The following BANP variants were observed in gnomAD, a reference collection of about 807,000 sequenced individuals.
BANP encodes the protein protein BANP.
In BANP, 11 loss-of-function variants were observed where a neutral mutation model predicts 68.1. That is an observed-to-expected ratio of 0.16 (90% CI 0.10 to 0.27). The LOEUF (loss-of-function observed/expected upper bound fraction) is 0.27. BANP is among the 10% of genes least tolerant of loss of function. The pLI, the probability that BANP is intolerant of heterozygous loss-of-function variation, is 1.00. For missense variants in BANP, 504 were observed against 722.7 expected, an observed-to-expected ratio of 0.70 and a Z score of 3.47; for synonymous variants, 329 against 303.2, an observed-to-expected ratio of 1.09 and a Z score of -0.88.
intron 1 of BANP, among the ~76,000 whole-genome samples, chr16:87,969,854 T>C (rs1650465195): frequency 6.6e-6 from 1 of 152,028 alleles, no homozygotes; most frequent in South Asian, 2.1e-4. Context: ...ATAACTTGTT[T>C]TTCTGTGAAT....
At chr16:88,053,454 CAT>C (rs1177112288) in intron 11 of BANP, among the ~76,000 whole-genome samples, 4 of 95,334 alleles carry the variant, frequency 4.2e-5, no homozygotes, top group African/African-American at 2.2e-4. Flanking sequence ...TCATCTCCAT[CAT>C]CATCATCACC....
intron 13 of BANP, 104 bp from the exon 14 acceptor site, chr16:88,076,486 C>T (rs566615869): frequency 1.5e-5 from 15 of 977,102 alleles, no homozygotes; most frequent in Non-Finnish European, 1.8e-5. Context: ...CTCCTGTGTG[C>T]GTGTTTCTCA....
chr16:88,041,127 C>T (rs2152780205), intron 11 of BANP, among the ~76,000 whole-genome samples: 1 of 152,368 alleles, frequency 6.6e-6, no homozygotes, highest in South Asian at 2.1e-4. Context: ...TTGCCGTTCT[C>T]CTCCTATTCC....
At chr16:88,056,318 T>C (rs1440891272) in intron 11 of BANP, among the ~76,000 whole-genome samples, 1 of 152,152 alleles carries the variant, frequency 6.6e-6, no homozygotes, top group Non-Finnish European at 1.5e-5. Context: ...GTAAAATAGG[T>C]GTACTAATTT....
rs188764554 is a variant in BANP, at chr16:88,049,879, C to G, written c.1311+11868C>G. ...GTGTGCCAGAAGGAAAACATGTTTC[C>G]TCCTCCCTCTGATTTCTTTACAGAC... On this transcript the variant is annotated intron_variant, in intron 11 of 13. Coordinates refer to ENST00000682872, the MANE Select transcript of BANP (RefSeq NM_001386991.1). 5.7e-3 allele frequency among the ~76,000 whole-genome samples: 862 copies of G among 152,260 alleles called. 25 individuals are homozygous for G. Among genetic ancestry groups the G allele is most frequent in the Admixed American group, 0.051 (778 of 15,280 alleles).
At chr16:87,950,320 A>T (rs1567550970), upstream of BANP, 1 of 152,260 alleles carries the variant, frequency 6.6e-6, no homozygotes, top group Non-Finnish European at 1.5e-5. Flanking sequence ...AGATTAGCAG[A>T]GGGAGATAAC....
intron 11 of BANP, among the ~76,000 whole-genome samples, chr16:88,052,608 C>G (rs1453609259): frequency 6.6e-6 from 1 of 151,940 alleles, no homozygotes; most frequent in East Asian, 1.9e-4. Flanking sequence ...CCACCTCCGC[C>G]ACTGTCATCT....
At chr16:88,038,364 A>C (rs1412706624) in intron 11 of BANP, among the ~76,000 whole-genome samples, 4 of 152,068 alleles carry the variant, frequency 2.6e-5, no homozygotes, top group Non-Finnish European at 5.9e-5. Context: ...CCTCACCATG[A>C]CAATGCACAG....
intron 9 of BANP, 85 bp downstream of exon 9, chr16:88,033,330 G>T (rs2078614908): frequency 3.7e-6 from 5 of 1,352,888 alleles, no homozygotes; most frequent in Non-Finnish European, 4.9e-6. Context: ...CACCGGTTCC[G>T]CTGTGTTTTG....
intron 4 of BANP, among the ~76,000 whole-genome samples, chr16:87,998,177 T>C (rs1011348757): frequency 6.6e-6 from 1 of 152,142 alleles, no homozygotes; most frequent in African/African-American, 2.4e-5. Flanking sequence ...TCTAGGGACT[T>C]TGGGAGACAT....
In BANP at chr16:88,057,209, C is replaced by A. The variant is rs545184389; in HGVS notation, c.1312-8058C>A. Among the ~76,000 whole-genome samples the A allele has an allele frequency of 5.9e-5, 9 of 152,092 alleles. No homozygotes were observed. Among genetic ancestry groups the A allele is most frequent in the Admixed American group, 5.9e-4 (9 of 15,282 alleles). On this transcript the variant is annotated intron_variant, in intron 11 of 13. Transcript: ENST00000682872. The surrounding 1 kb of genome is among the most constrained non-coding windows in gnomAD (Gnocchi z 4.6). ...GGGGAGCGACTTCACACAGCTGGCACGGGATGCTTCGAAGTGGGGTACGGG... is the reference window on the plus strand; with the variant it reads ...GGGGAGCGACTTCACACAGCTGGCAAGGGATGCTTCGAAGTGGGGTACGGG...
chr16:88,048,085 A>G (rs969225778), intron 11 of BANP, among the ~76,000 whole-genome samples: 1 of 152,208 alleles, frequency 6.6e-6, no homozygotes, highest in Non-Finnish European at 1.5e-5. Flanking sequence ...TGGCTTCCGC[A>G]GCTGGCCGTG....
Position 87,989,846 on chromosome 16 carries a change from C to T in BANP, c.362+5587C>T, listed in dbSNP as rs1476869067. On this transcript the variant is annotated intron_variant, in intron 4 of 13. Transcript: ENST00000682872. ...GGGCGGGTGATGGGGGATGCAGGCCCGCGTGGCTGCGTGCATCCAGGACAC... is the reference window on the plus strand; with the variant it reads ...GGGCGGGTGATGGGGGATGCAGGCCTGCGTGGCTGCGTGCATCCAGGACAC... Among the ~76,000 whole-genome samples the T allele has an allele frequency of 2.5e-4, 28 of 112,282 alleles. 1 individual carries two copies. Among genetic ancestry groups the T allele is most frequent in the Middle Eastern group, 5.7e-3 (1 of 174 alleles). 73.7% of individuals were successfully genotyped at this position (112,282 alleles called of 152,430 possible). A position where few individuals can be genotyped will look rare whatever the true frequency, so the allele number is the denominator to read the frequency against.
intron 12 of BANP, among the ~76,000 whole-genome samples, chr16:88,066,002 A>G (rs1599063150): frequency 6.6e-6 from 1 of 152,056 alleles, no homozygotes; most frequent in Middle Eastern, 3.2e-3. Flanking sequence ...GAGGGTGTGC[A>G]CCTGCGCCTG....
intron 11 of BANP, among the ~76,000 whole-genome samples, chr16:88,050,031 G>C (rs1456681175): frequency 6.6e-6 from 1 of 152,190 alleles, no homozygotes. Context: ...GGCGTGGCCG[G>C]CTGGTGAGCT....
Position 88,057,857 on chromosome 16 carries a change from G to A in BANP, c.1312-7410G>A, listed in dbSNP as rs1892586503. ...GATGCCCACAGTGAGGAGGTGCGGG[G>A]CACGCAGCGAGCACTTTCCGGACAG... is the stretch of plus-strand genomic sequence containing the variant. On this transcript the variant is annotated intron_variant, in intron 11 of 13. Coordinates refer to ENST00000682872, the MANE Select transcript of BANP (RefSeq NM_001386991.1). The surrounding 1 kb of genome is among the most constrained non-coding windows in gnomAD (Gnocchi z 4.6). Among the ~76,000 whole-genome samples the A allele has an allele frequency of 6.6e-6, 1 of 152,050 alleles. No homozygotes were observed. Among genetic ancestry groups the A allele is most frequent in the Non-Finnish European group, 1.5e-5 (1 of 68,022 alleles).
chr16:87,968,852 G>A lies in BANP; in HGVS notation c.-68-6196G>A, dbSNP rs147991845. On this transcript the variant is annotated intron_variant, in intron 1 of 13. Coordinates refer to ENST00000682872, the MANE Select transcript of BANP (RefSeq NM_001386991.1). ...CTTAGATCTGCATATTTTCCTGTCC[G>A]ATCATTTTTTAAAAGTATACTTCTT... Among the ~76,000 whole-genome samples the A allele has an allele frequency of 6.9e-3, 1,047 of 152,236 alleles. 8 individuals carry two copies. The highest frequency in any genetic ancestry group is 0.029 in the South Asian group (142 of 4,814).
chr16:87,993,007 GT>G (rs776394575), intron 4 of BANP, among the ~76,000 whole-genome samples: 28 of 152,262 alleles, frequency 1.8e-4, no homozygotes, highest in Admixed American at 8.5e-4. Context: ...ACACTTCCTT[GT>G]TTTTGGCGAC....
intron 1 of BANP, among the ~76,000 whole-genome samples, chr16:87,954,506 A>G (rs1026476885): frequency 5.0e-4 from 76 of 152,360 alleles, no homozygotes; most frequent in African/African-American, 1.8e-3. Context: ...CTTTTGAAAG[A>G]GTCCAGTTTC....
Sources: gnomAD v4.1 joint callset for allele counts (sites outside exome capture counted in the v4.1 genomes callset) on GRCh38, gnomAD v4.1.1 for gene constraint, Gnocchi (gnomAD v3.1) non-coding constraint, MANE v1.5 for transcripts, NCBI Gene and HGNC (gene_info 2026-07-23, HGNC 2026-07-21) for gene names.